The following PRKCE variants were observed in gnomAD, a reference collection of about 807,000 sequenced individuals.
PRKCE encodes the protein protein kinase C epsilon type.
PRKCE carries 16 observed loss-of-function variants against 85.4 expected under a neutral mutation model. The ratio of observed to expected loss-of-function variants is 0.19; its 90% confidence interval spans 0.13 to 0.28. The LOEUF (loss-of-function observed/expected upper bound fraction) is 0.28, where lower values mean the gene tolerates loss of function less well. Among genes scored for constraint, PRKCE ranks in the 10% least tolerant of loss-of-function variants. PRKCE has a pLI of 1.00. For missense variants in PRKCE, 573 were observed against 975.2 expected (o/e 0.59, Z 5.49); for synonymous variants, 388 against 371.5 (o/e 1.04, Z -0.51).
At chr2:45,884,020 T>G (rs1026025936) in intron 2 of PRKCE, among the ~76,000 whole-genome samples, 3 of 152,028 alleles carry the variant, frequency 2.0e-5, no homozygotes, top group Non-Finnish European at 4.4e-5. Flanking sequence ...TTTTGGCAAC[T>G]GCCTTGAGAG....
Position 46,010,522 on chromosome 2 carries a change from G to T in PRKCE, c.1437+5G>T, listed in dbSNP as rs1705572637. The T allele has an allele frequency of 6.3e-7, 1 of 1,598,966 alleles. No homozygotes were observed. Reference sequence around the variant, plus strand: ...TACTGCTGCTTCCAGACCAAGGTATGTTAGGAAGAAGCTGGCTGGCTGCCA... The same window carrying T: ...TACTGCTGCTTCCAGACCAAGGTATTTTAGGAAGAAGCTGGCTGGCTGCCA... On this transcript the variant is annotated splice_donor_5th_base_variant and intron_variant, in intron 10 of 14. Coordinates refer to ENST00000306156, the MANE Select transcript of PRKCE (RefSeq NM_005400.3).
rs148692554 is a variant in PRKCE, at chr2:46,051,380, T to C, written c.1438-34828T>C. On this transcript the variant is annotated intron_variant, in intron 10 of 14. Coordinates refer to ENST00000306156, the MANE Select transcript of PRKCE (RefSeq NM_005400.3). ...ATCTGTGACTGTGAAGGTGGGGAGC[T>C]GTGGGTAGGGCAAATGTGATTTTCT... Among the ~76,000 whole-genome samples, 334 of 152,216 alleles carry C rather than the reference T, an allele frequency of 2.2e-3. 1 individual carries two copies. Among genetic ancestry groups the C allele is most frequent in the Non-Finnish European group, 3.0e-3 (202 of 68,024 alleles).
chr2:45,823,401 G>C (rs981984902), intron 1 of PRKCE, among the ~76,000 whole-genome samples: 1 of 152,216 alleles, frequency 6.6e-6, no homozygotes, highest in Non-Finnish European at 1.5e-5. Context: ...TTCGCAGACA[G>C]GCTATTGAAA....
Position 46,001,453 on chromosome 2 carries a change from C to G in PRKCE, c.873C>G (p.Asn291Lys). 1 of 1,599,450 alleles carries G rather than the reference C, an allele frequency of 6.3e-7. No individual in the cohort carries two copies. Among genetic ancestry groups the G allele is most frequent in the Non-Finnish European group, 8.5e-7 (1 of 1,179,772 alleles). The change falls in exon 7 of 15, where the codon AAC becomes AAG. Residue 291 changes from asparagine (N) to lysine (K), a missense_variant. Physicochemically the swap from Asn to Lys is moderately conservative, Grantham distance 94. This residue lies in a region of PRKCE where 55 missense variants were observed against 128.1 expected (regional missense o/e 0.43). Coordinates refer to ENST00000306156, the MANE Select transcript of PRKCE (RefSeq NM_005400.3). The surrounding 1 kb of genome is among the most constrained non-coding windows in gnomAD (Gnocchi z 4.4). ...HRRCETNVAPNCGVDARGIAK... is the reference protein window; with the variant it reads ...HRRCETNVAPKCGVDARGIAK... Reference sequence around the variant, plus strand: ...GATGTGAGACCAACGTGGCTCCCAACTGTGGAGTGGATGCCAGAGGAATCG... The same window carrying G: ...GATGTGAGACCAACGTGGCTCCCAAGTGTGGAGTGGATGCCAGAGGAATCG...
intron 1 of PRKCE, among the ~76,000 whole-genome samples, chr2:45,769,939 C>T (rs951334061): frequency 6.6e-6 from 1 of 152,376 alleles, no homozygotes; most frequent in Admixed American, 6.5e-5. Context: ...GCTCCTTGCT[C>T]TTGCCAGGGT....
intron 10 of PRKCE, among the ~76,000 whole-genome samples, chr2:46,024,744 C>T (rs769028345): frequency 2.0e-5 from 3 of 152,130 alleles, no homozygotes; most frequent in Non-Finnish European, 4.4e-5. Flanking sequence ...GTTTCTTTCA[C>T]CATTTATCCA....
chr2:46,175,320 G>T (rs1333435467), intron 14 of PRKCE, among the ~76,000 whole-genome samples: 1 of 152,184 alleles, frequency 6.6e-6, no homozygotes, highest in Admixed American at 6.5e-5. Flanking sequence ...GTGAAACAAT[G>T]ATTATTCTGT....
intron 2 of PRKCE, among the ~76,000 whole-genome samples, chr2:45,967,673 A>T (rs904576088): frequency 6.6e-6 from 1 of 152,124 alleles, no homozygotes; most frequent in Non-Finnish European, 1.5e-5. Context: ...TGAAGTAAAG[A>T]TACAGTCAGG....
rs559940681 is a variant in PRKCE, at chr2:46,091,990, AG to A, written c.1592+5629del. ...ATCTAAGCAGTGAAGAAAGGCGTAA[AG>A]TCCGTTTTTCTTCATCAAACTCATA... is the stretch of plus-strand genomic sequence containing the variant. On this transcript the variant is annotated intron_variant, in intron 11 of 14. Coordinates refer to ENST00000306156, the MANE Select transcript of PRKCE (RefSeq NM_005400.3). Among the ~76,000 whole-genome samples, 3 of 152,362 alleles carry A rather than the reference AG, an allele frequency of 2.0e-5. No individual in the cohort carries two copies. The South Asian group carries it at 6.2e-4, about 32-fold the overall frequency.
intron 2 of PRKCE, among the ~76,000 whole-genome samples, chr2:45,935,152 C>G (rs971661345): frequency 3.3e-5 from 5 of 151,824 alleles, no homozygotes; most frequent in African/African-American, 4.8e-5. Context: ...ATGAGGGGGA[C>G]CATACCTTAA....
chr2:45,852,462 A>G (rs894781698), intron 2 of PRKCE, among the ~76,000 whole-genome samples: 1 of 152,218 alleles, frequency 6.6e-6, no homozygotes, highest in Non-Finnish European at 1.5e-5. Context: ...AACAGATGTA[A>G]ACTGAGAGTC....
At chr2:46,172,769 C>A (rs534707738) in intron 14 of PRKCE, among the ~76,000 whole-genome samples, 39 of 152,362 alleles carry the variant, frequency 2.6e-4, no homozygotes, top group South Asian at 2.1e-3. Flanking sequence ...AGGGGATGCC[C>A]TGTGCTGGGG....
rs147655433 is a variant in PRKCE, at chr2:46,013,374, G to A, written c.1437+2857G>A. On this transcript the variant is annotated intron_variant, in intron 10 of 14. Coordinates refer to ENST00000306156, the MANE Select transcript of PRKCE (RefSeq NM_005400.3). ...TTATTCTAAATTCCACAAGCTAAGAGGGAGTAGCAAACAGCATTGAATAGT... is the reference window on the plus strand; with the variant it reads ...TTATTCTAAATTCCACAAGCTAAGAAGGAGTAGCAAACAGCATTGAATAGT... Among the ~76,000 whole-genome samples, 6 of 152,338 alleles carry A rather than the reference G, an allele frequency of 3.9e-5. No homozygotes were observed. In the East Asian group the frequency reaches 1.2e-3, roughly 29 times the overall value.
chr2:45,656,430 G>A (rs1294799408), intron 1 of PRKCE, among the ~76,000 whole-genome samples: 3 of 152,206 alleles, frequency 2.0e-5, no homozygotes, highest in African/African-American at 7.2e-5. Flanking sequence ...TCCAGATAAT[G>A]AGAGATGTTT....
At chr2:45,704,953 C>T (rs1678986741) in intron 1 of PRKCE, among the ~76,000 whole-genome samples, 2 of 152,120 alleles carry the variant, frequency 1.3e-5, no homozygotes, top group Non-Finnish European at 2.9e-5. Context: ...TTCCTTTGTC[C>T]CTCCCATCTT....
chr2:46,129,326 T>C (rs1674181518), intron 11 of PRKCE, among the ~76,000 whole-genome samples: 1 of 152,140 alleles, frequency 6.6e-6, no homozygotes, highest in African/African-American at 2.4e-5. Context: ...TGGCAGGTGC[T>C]CAGTACGTAG....
intron 10 of PRKCE, among the ~76,000 whole-genome samples, chr2:46,052,723 T>G (rs1172584883): frequency 6.6e-6 from 1 of 152,190 alleles, no homozygotes; most frequent in Non-Finnish European, 1.5e-5. Context: ...AGAACACAGT[T>G]GGAGGACTTA....
chr2:45,828,269 C>G (rs917827434), intron 1 of PRKCE, among the ~76,000 whole-genome samples: 20 of 152,186 alleles, frequency 1.3e-4, no homozygotes, highest in African/African-American at 4.8e-4. Flanking sequence ...CTGTTGAAAA[C>G]TCTATTGATA....
intron 1 of PRKCE, among the ~76,000 whole-genome samples, chr2:45,775,788 G>A (rs1376612604): frequency 2.0e-5 from 3 of 152,118 alleles, no homozygotes; most frequent in African/African-American, 7.2e-5. Flanking sequence ...TCTCATCATG[G>A]GTGAAAATCC....
Sources: allele counts gnomAD v4.1 joint callset (sites outside exome capture counted in the v4.1 genomes callset), GRCh38; gene constraint gnomAD v4.1.1; regional missense constraint gnomAD v4.1.1; non-coding constraint Gnocchi (gnomAD v3.1); transcripts MANE v1.5; gene names NCBI Gene and HGNC (gene_info 2026-07-23, HGNC 2026-07-21).